Variants in OTX1 observed in about 807,000 individuals in gnomAD.
The protein encoded by OTX1 is orthodenticle homeobox 1, also known as homeobox protein OTX1.
Under a neutral mutation model 26.7 loss-of-function variants are expected in OTX1, and 7 were observed. That is an observed-to-expected ratio of 0.26 (90% CI 0.15 to 0.49). The LOEUF is 0.49. Ranked by LOEUF, OTX1 falls within the 20% of genes least tolerant of loss-of-function variation. The pLI is 0.98. For missense variants in OTX1, 414 were observed against 483.8 expected (o/e 0.86, Z 1.35); for synonymous variants, 216 against 212.8 (o/e 1.01, Z -0.13).
At position 63,054,646 on chromosome 2, in the gene OTX1, T is replaced by G. The variant is rs193295215; in HGVS notation, c.249+448T>G. On this transcript the variant is annotated intron_variant, in intron 4 of 4. Coordinates refer to ENST00000282549, the MANE Select transcript of OTX1 (RefSeq NM_014562.4). ...GGAGATTGGCTGGAGCCTGGTGCTC[T>G]GCCTGGGTCTCATTAGACGCTTCCT... is the stretch of plus-strand genomic sequence containing the variant. Among the ~76,000 whole-genome samples, 106 of 152,306 alleles carry G rather than the reference T, an allele frequency of 7.0e-4. No homozygotes were observed. In the East Asian group the frequency reaches 0.019, roughly 28 times the overall value.
rs1003224172 is a variant in OTX1, at chr2:63,056,069, C to G, written c.818C>G (p.Ala273Gly). The stretch of plus-strand genomic sequence containing the variant: ...AGCCCCATGGCACCCTCCTCCATGG[C>G]GGGCCACCATCATCACCACCCACAT... ...QLSPMAPSSM[A>G]GHHHHHPHAH... The change falls in exon 5 of 5, where the codon GCG becomes GGG. Residue 273 changes from alanine (A) to glycine (G), a missense_variant. Physicochemically the swap from Ala to Gly is moderately conservative, Grantham distance 60 (BLOSUM62 0). Around this residue, in one of 3 missense-constraint regions of OTX1, gnomAD observed 320 missense variants for 347.9 expected, o/e 0.92. Transcript: ENST00000282549. 1.9e-6 allele frequency: 3 copies of G among 1,613,282 alleles called. No individual in the cohort carries two copies. The African/African-American group carries it at 4.0e-5, about 22-fold the overall frequency.
chr2:63,056,089 C>A lies in OTX1; in HGVS notation c.838C>A (p.Pro280Thr). 6.2e-7 allele frequency: 1 copy of A among 1,614,066 alleles called. No individual in the cohort carries two copies. The highest frequency in any genetic ancestry group is 8.5e-7 in the Non-Finnish European group (1 of 1,179,994). Residue 280 changes from proline (P) to threonine (T), a missense_variant, in exon 5 of 5, where the codon CCA becomes ACA. Pro to Thr is a conservative substitution (Grantham distance 38). Coordinates refer to ENST00000282549, the MANE Select transcript of OTX1 (RefSeq NM_014562.4). Reference sequence around the variant, plus strand: ...CATGGCGGGCCACCATCATCACCACCCACATGCGCACCACCCGTTGAGCCA... The same window carrying A: ...CATGGCGGGCCACCATCATCACCACACACATGCGCACCACCCGTTGAGCCA... ...SSMAGHHHHH[P>T]HAHHPLSQSS...
intron 2 of OTX1, chr2:63,051,535 C>T (rs2153387683): frequency 6.6e-6 from 1 of 152,428 alleles, no homozygotes; most frequent in Non-Finnish European, 1.5e-5. Context: ...AGCTGAAGTG[C>T]TAAGTTTGGA....
At position 63,057,291 on chromosome 2, in the gene OTX1, C is replaced by T. The variant is rs1316402595; in HGVS notation, c.*975C>T. 1 of 152,192 alleles carries T rather than the reference C, an allele frequency of 6.6e-6. No homozygotes were observed. The allele number at this position is 152,192 out of a possible 1,614,324, so 9.4% of individuals were successfully genotyped here. A position where few individuals can be genotyped will look rare whatever the true frequency, so the allele number is the denominator to read the frequency against. On this transcript the variant is annotated 3_prime_UTR_variant, in exon 5 of 5. Coordinates refer to ENST00000282549, the MANE Select transcript of OTX1 (RefSeq NM_014562.4). ...CCTGCCCTCTTCACATCTTCTCCCT[C>T]TGTGTATTTATTGAAGAGAACCGCT...
chr2:63,055,556 G>C lies in OTX1; in HGVS notation c.305G>C (p.Gly102Ala), dbSNP rs1302485046. ...CGCCAGCAGCAGCAGAGCGGGAGCG[G>C]AACCAAGAGCCGCCCAGCCAAGAAG... ...KCRQQQQSGS[G>A]TKSRPAKKKS... Residue 102 changes from glycine to alanine, a missense_variant, in exon 5 of 5, where the codon GGA becomes GCA. Gly to Ala is a moderately conservative substitution (Grantham distance 60). This residue lies in a region of OTX1 where 320 missense variants were observed against 347.9 expected (regional missense o/e 0.92). Transcript: ENST00000282549. The surrounding 1 kb of genome is among the most constrained non-coding windows in gnomAD (Gnocchi z 5.2). 2 of 1,614,060 alleles carry C rather than the reference G, an allele frequency of 1.2e-6. No individual in the cohort carries two copies.
chr2:63,054,503 G>A (rs1009478223), intron 4 of OTX1, among the ~76,000 whole-genome samples: 1 of 152,260 alleles, frequency 6.6e-6, no homozygotes, highest in Admixed American at 6.5e-5. Flanking sequence ...AGCGCCCTGC[G>A]GGCCTGACAC....
At chr2:63,050,796 G>C (rs898952154), upstream of OTX1, 1 of 152,250 alleles carries the variant, frequency 6.6e-6, no homozygotes, top group South Asian at 2.1e-4. Flanking sequence ...CACTCGCCTC[G>C]CGTTCACATA....
rs1385479279 is a variant in OTX1 at position 63,050,861 on chromosome 2, A to C, written c.-217A>C. 6.6e-6 allele frequency: 1 copy of C among 152,230 alleles called. No homozygotes were observed. The highest frequency in any genetic ancestry group is 1.5e-5 in the Non-Finnish European group (1 of 68,070). The allele number at this position is 152,230 out of a possible 1,614,324, so 9.4% of individuals were successfully genotyped here. ...TCTTCATCAGGCTACATTTCCAATC[A>C]CCTAAACAACCGAGCAAGACAAGCC... On this transcript the variant is annotated 5_prime_UTR_variant, in exon 1 of 5. Coordinates refer to ENST00000282549, the MANE Select transcript of OTX1 (RefSeq NM_014562.4).
At chr2:63,052,854 T>C in intron 2 of OTX1, 26 bp from the exon 3 acceptor site, 1 of 608,368 alleles carries the variant, frequency 1.6e-6, no homozygotes, top group Non-Finnish European at 2.9e-6. Flanking sequence ...CGATTGACGG[T>C]TTCCGTGTGT....
At chr2:63,050,218 A>T (rs1013504496), upstream of OTX1, 3 of 152,024 alleles carry the variant, frequency 2.0e-5, no homozygotes, top group African/African-American at 7.2e-5. Flanking sequence ...GGCCGAGGAG[A>T]GATCTGCACG....
chr2:63,051,902 C>T (rs1027449777), intron 2 of OTX1: 5 of 152,672 alleles, frequency 3.3e-5, no homozygotes, highest in Non-Finnish European at 7.3e-5. Context: ...GGGGGCGAGG[C>T]TTCGACCTCC....
At position 63,053,030 on chromosome 2, in the gene OTX1, G is replaced by C. The variant is rs150197048; in HGVS notation, c.40G>C (p.Gly14Arg). Reference sequence around the variant, plus strand: ...CAAACAACCCCCATACGGCATGAACGGGCTGGGCCTGGCCGGGCCCGCCAT... The same window carrying C: ...CAAACAACCCCCATACGGCATGAACCGGCTGGGCCTGGCCGGGCCCGCCAT... ...YLKQPPYGMNGLGLAGPAMDL... is the reference protein window; with the variant it reads ...YLKQPPYGMNRLGLAGPAMDL... The change falls in exon 3 of 5, where the codon GGG becomes CGG. Residue 14 changes from glycine to arginine, a missense_variant. Gly to Arg is a moderately radical substitution (Grantham distance 125). This residue lies in a region of OTX1 where 48 missense variants were observed against 41.6 expected (regional missense o/e 1.15). Transcript: ENST00000282549. 1.1e-4 allele frequency: 175 copies of C among 1,607,938 alleles called. No homozygotes were observed. Among genetic ancestry groups the C allele is most frequent in the Non-Finnish European group, 1.4e-4 (165 of 1,177,732 alleles).
At position 63,055,893 on chromosome 2, in the gene OTX1, C is replaced by A. The variant is rs1574629794; in HGVS notation, c.642C>A (p.Ala214=). 6.2e-7 allele frequency: 1 copy of A among 1,611,914 alleles called. No individual in the cohort carries two copies. Among genetic ancestry groups the A allele is most frequent in the African/African-American group, 1.3e-5 (1 of 74,904 alleles). Residue 214 remains alanine (A), a synonymous_variant, in exon 5 of 5, where the codon GCC becomes GCA. Transcript: ENST00000282549. This position sits in a 1 kb window ranked among gnomAD's most constrained non-coding sequence, Gnocchi z 5.2. ...TGCAGCGCTCCGTAGCTGCAGGCGC[C>A]GCCACCGCAGCAGCCTCTTATCCCA... ...SCMQRSVAAG[A]ATAAASYPMS...
At position 63,055,977 on chromosome 2, in the gene OTX1, C is replaced by T; in HGVS notation, c.726C>T (p.Tyr242=). The T allele has an allele frequency of 1.2e-6, 2 of 1,613,818 alleles. No individual in the cohort carries two copies. Among genetic ancestry groups the T allele is most frequent in the Non-Finnish European group, 1.7e-6 (2 of 1,180,040 alleles). ...GCTACCCTACGCCCTCCTCTTCCTA[C>T]TTTGGCGGCGTGGACTGCAGCTCAT... ...GQGYPTPSSS[Y]FGGVDCSSYL... Residue 242 remains tyrosine, a synonymous_variant, in exon 5 of 5, where the codon TAC becomes TAT. Transcript: ENST00000282549. The surrounding 1 kb of genome is among the most constrained non-coding windows in gnomAD (Gnocchi z 5.2).
At chr2:63,051,352 G>A (rs1165177147) in intron 2 of OTX1, 35 bp downstream of exon 2, 1 of 152,350 alleles carries the variant, frequency 6.6e-6, no homozygotes, top group Admixed American at 6.5e-5. Flanking sequence ...CCCGGACTCC[G>A]GGAGCGCGTT....
At position 63,055,567 on chromosome 2, in the gene OTX1, C is replaced by G. The variant is rs763975117; in HGVS notation, c.316C>G (p.Arg106Gly). 2 of 1,614,144 alleles carry G rather than the reference C, an allele frequency of 1.2e-6. No homozygotes were observed. The highest frequency in any genetic ancestry group is 2.2e-5 in the South Asian group (2 of 91,088). Residue 106 changes from arginine to glycine, a missense_variant, in exon 5 of 5, where the codon CGC becomes GGC. Coordinates refer to ENST00000282549, the MANE Select transcript of OTX1 (RefSeq NM_014562.4). This position sits in a 1 kb window ranked among gnomAD's most constrained non-coding sequence, Gnocchi z 5.2. ...GCAGAGCGGGAGCGGAACCAAGAGC[C>G]GCCCAGCCAAGAAGAAGTCCTCTCC... is the stretch of plus-strand genomic sequence containing the variant. ...QQQSGSGTKS[R>G]PAKKKSSPVR...
chr2:63,053,895 A>C, intron 3 of OTX1, 152 bp from the exon 4 acceptor site: 2 of 841,210 alleles, frequency 2.4e-6, no homozygotes, highest in Non-Finnish European at 3.6e-6. Context: ...GTGGCCTCTC[A>C]GGCTCGGCCG....
In OTX1 at chr2:63,055,168, G is replaced by A. The variant is rs1431857556; in HGVS notation, c.250-333G>A. On this transcript the variant is annotated intron_variant, in intron 4 of 4. Coordinates refer to ENST00000282549, the MANE Select transcript of OTX1 (RefSeq NM_014562.4). This position sits in a 1 kb window ranked among gnomAD's most constrained non-coding sequence, Gnocchi z 5.2. ...GGGCCTCCAAACATACACGGAAGCA[G>A]CCAACAGCAGCAATTTAGAGATGGC... 1.3e-5 allele frequency among the ~76,000 whole-genome samples: 2 copies of A among 152,254 alleles called. No individual in the cohort carries two copies. The highest frequency in any genetic ancestry group is 2.9e-5 in the Non-Finnish European group (2 of 68,052).
At chr2:63,050,131 G>C (rs768385088), upstream of OTX1, 2 of 152,282 alleles carry the variant, frequency 1.3e-5, no homozygotes, top group African/African-American at 4.8e-5. Context: ...TGGAACCCCG[G>C]GAGATGCCGA....
Sources: gnomAD v4.1 joint callset for allele counts (sites outside exome capture counted in the v4.1 genomes callset) on GRCh38, gnomAD v4.1.1 for gene constraint, gnomAD v4.1.1 regional missense constraint, Gnocchi (gnomAD v3.1) non-coding constraint, MANE v1.5 for transcripts, NCBI Gene and HGNC (gene_info 2026-07-23, HGNC 2026-07-21) for gene names.